Variants in EXTL3 observed in about 807,000 individuals in gnomAD.
EXTL3 encodes exostosin-like 3.
In EXTL3, 27 loss-of-function variants were observed where a neutral mutation model predicts 69.3. The ratio of observed to expected loss-of-function variants is 0.39; its 90% CI spans 0.29 to 0.54. EXTL3 has a LOEUF of 0.54. EXTL3 is among the 20% of genes least tolerant of loss of function. The pLI is 0.69. For missense variants in EXTL3, 1,003 were observed against 1,231.8 expected, an observed-to-expected ratio of 0.81 and a Z score of 2.78; for synonymous variants, 511 against 499.4, an observed-to-expected ratio of 1.02 and a Z score of -0.31.
intron 3 of EXTL3, among the ~76,000 whole-genome samples, chr8:28,725,135 T>C (rs1367873616): frequency 1.3e-5 from 2 of 152,162 alleles, no homozygotes; most frequent in Non-Finnish European, 2.9e-5. Context: ...TATATATGTT[T>C]TGTTGGAGGA....
chr8:28,701,847 C>T (rs1800806864), intron 1 of EXTL3, among the ~76,000 whole-genome samples, 188 bp downstream of exon 1: 2 of 152,032 alleles, frequency 1.3e-5, no homozygotes, highest in African/African-American at 2.4e-5. Flanking sequence ...TAGGCCTGCC[C>T]GGTGGCTCGG....
At chr8:28,620,713 G>C (rs1456626411), upstream of EXTL3, among the ~76,000 whole-genome samples, 1 of 152,058 alleles carries the variant, frequency 6.6e-6, no homozygotes, top group Non-Finnish European at 1.5e-5. Flanking sequence ...CTTTTCTTTT[G>C]TTTTCTTTTC....
chr8:28,672,888 A>G (rs1807319912), intron 1 of EXTL3, among the ~76,000 whole-genome samples: 1 of 152,082 alleles, frequency 6.6e-6, no homozygotes, highest in Non-Finnish European at 1.5e-5. Context: ...GGTGGGAGGT[A>G]ATTGAATCGG....
chr8:28,746,413 G>A (rs889935268), intron 6 of EXTL3, among the ~76,000 whole-genome samples: 6 of 152,280 alleles, frequency 3.9e-5, no homozygotes, highest in South Asian at 4.1e-4. Context: ...GCAAGTGAAC[G>A]TCTTGGTTCT....
In EXTL3 at chr8:28,750,638, C is replaced by G. The variant is rs1263210964; in HGVS notation, c.2551-19C>G. 1.2e-6 allele frequency: 2 copies of G among 1,603,420 alleles called. No individual in the cohort carries two copies. The highest frequency in any genetic ancestry group is 2.2e-5 in the East Asian group (1 of 44,840). On this transcript the variant is annotated intron_variant, in intron 6 of 6. Coordinates refer to ENST00000220562, the MANE Select transcript of EXTL3 (RefSeq NM_001440.4). This position sits in a 1 kb window ranked among gnomAD's most constrained non-coding sequence, Gnocchi z 5.2. ...GTATTAGCTGGGATTCCCACTCTGT[C>G]TCTCTCTCCCGTTTCCAGGTGACCT...
chr8:28,748,227 C>T (rs1420723289), intron 6 of EXTL3, among the ~76,000 whole-genome samples: 1 of 151,758 alleles, frequency 6.6e-6, no homozygotes, highest in Non-Finnish European at 1.5e-5. Context: ...AAAAATTAGC[C>T]AGGTGTGGTG....
chr8:28,686,607 A>G (rs923769238), intron 1 of EXTL3, among the ~76,000 whole-genome samples: 3 of 152,162 alleles, frequency 2.0e-5, no homozygotes, highest in Non-Finnish European at 4.4e-5. Flanking sequence ...AGGAATTGAG[A>G]CTTCATTCCA....
chr8:28,737,723 G>A, intron 5 of EXTL3, 60 bp downstream of exon 5: 1 of 1,560,278 alleles, frequency 6.4e-7, no homozygotes, highest in Non-Finnish European at 8.8e-7. Flanking sequence ...TTGTGTGGTA[G>A]CGGAATGCTG....
intron 1 of EXTL3, among the ~76,000 whole-genome samples, chr8:28,703,281 C>G (rs1330182150): frequency 6.6e-6 from 1 of 152,110 alleles, no homozygotes; most frequent in Non-Finnish European, 1.5e-5. Context: ...ATGTCTGTAT[C>G]CCTCCACTTC....
At chr8:28,714,378 G>C (rs1801096709) in intron 2 of EXTL3, among the ~76,000 whole-genome samples, 1 of 152,146 alleles carries the variant, frequency 6.6e-6, no homozygotes, top group Non-Finnish European at 1.5e-5. Context: ...AAAAAGGAGA[G>C]AAGACTATTA....
At chr8:28,618,232 A>C (rs4732644), upstream of EXTL3, among the ~76,000 whole-genome samples, 47,514 of 151,822 alleles carry the variant, frequency 0.31, 7,817 homozygotes, top group African/African-American at 0.41. Context: ...TTTGGGAGGC[A>C]GAGGCGGGTG....
chr8:28,638,601 A>G (rs1806692071), intron 1 of EXTL3, among the ~76,000 whole-genome samples: 1 of 152,054 alleles, frequency 6.6e-6, no homozygotes, highest in African/African-American at 2.4e-5. Context: ...CTTCTACTCA[A>G]TTTCTTAAGC....
intron 1 of EXTL3, among the ~76,000 whole-genome samples, chr8:28,655,273 CTCTG>C (rs1294420796): frequency 6.6e-6 from 1 of 151,980 alleles, no homozygotes; most frequent in African/African-American, 2.4e-5. Context: ...GAGTGAGGCA[CTCTG>C]TCTAAGAAAA....
At chr8:28,631,425 A>G (rs7014901) in intron 1 of EXTL3, 53,931 of 151,998 alleles carry the variant, frequency 0.35, 10,708 homozygotes, top group African/African-American at 0.54. Flanking sequence ...AGAAGTGAGA[A>G]GACTGGAAAA....
At chr8:28,671,821 T>G (rs1807299244) in intron 1 of EXTL3, among the ~76,000 whole-genome samples, 1 of 152,192 alleles carries the variant, frequency 6.6e-6, no homozygotes, top group Admixed American at 6.5e-5. Flanking sequence ...GGGCATGATT[T>G]CTTTATCGTA....
At chr8:28,614,120 G>A (rs980272261) in intron 2 of EXTL3, among the ~76,000 whole-genome samples, 4 of 151,856 alleles carry the variant, frequency 2.6e-5, no homozygotes, top group Non-Finnish European at 5.9e-5. Flanking sequence ...ATGAGTCATC[G>A]AACCCAGTCA....
chr8:28,751,028 T>G lies in EXTL3; in HGVS notation c.*162T>G. The G allele has an allele frequency of 1.5e-6, 1 of 652,086 alleles. No homozygotes were observed. The highest frequency in any genetic ancestry group is 2.7e-6 in the Non-Finnish European group (1 of 375,492). The allele number at this position is 652,086 out of a possible 1,614,324, so 40.4% of individuals were successfully genotyped here. On this transcript the variant is annotated 3_prime_UTR_variant, in exon 7 of 7. Coordinates refer to ENST00000220562, the MANE Select transcript of EXTL3 (RefSeq NM_001440.4). ...TGGAAGGAAACCGCTGCCTTTATCT[T>G]GAAGTCAGCCACACTGGGCCTGGAG...
rs1437814090 is a variant in EXTL3 at position 28,616,499 on chromosome 8, C to T, written n.314+8741C>T. On this transcript the variant is annotated intron_variant and non_coding_transcript_variant, in intron 2 of 4. Transcript: ENST00000522725. ...AAAATTAGCAGGGCGTGGTGGCGGGCGCCTGCAGTCCCAGCTACTTGGGAG... is the reference window on the plus strand; with the variant it reads ...AAAATTAGCAGGGCGTGGTGGCGGGTGCCTGCAGTCCCAGCTACTTGGGAG... Among the ~76,000 whole-genome samples the T allele has an allele frequency of 4.6e-5, 7 of 152,182 alleles. No homozygotes were observed. The South Asian group carries it at 8.3e-4, about 18-fold the overall frequency.
chr8:28,704,346 G>A (rs184048097), intron 1 of EXTL3, among the ~76,000 whole-genome samples: 1 of 152,256 alleles, frequency 6.6e-6, no homozygotes, highest in Admixed American at 6.5e-5. Context: ...CCTACTATAC[G>A]CAGCCATACA....
Sources: gnomAD v4.1 joint callset for allele counts (sites outside exome capture counted in the v4.1 genomes callset) on GRCh38, gnomAD v4.1.1 for gene constraint, Gnocchi (gnomAD v3.1) non-coding constraint, MANE v1.5 for transcripts, NCBI Gene and HGNC (gene_info 2026-07-23, HGNC 2026-07-21) for gene names.